Variants in RTN4 observed in about 807,000 individuals in gnomAD.
The protein encoded by RTN4 is reticulon 4.
RTN4 carries 32 observed loss-of-function variants against 90.4 expected under a neutral mutation model. That is an observed-to-expected ratio of 0.35 (90% CI 0.27 to 0.48). RTN4 has a LOEUF of 0.48. RTN4 is among the 20% of genes least tolerant of loss of function. The pLI is 0.99. For synonymous variants in RTN4, 629 were observed against 552.5 expected (o/e 1.14, Z -1.94); for missense variants, 1,706 against 1,430.2 (o/e 1.19, Z -3.11).
At chr2:55,033,525 CT>C (rs1682475846) in intron 1 of RTN4, among the ~76,000 whole-genome samples, 1 of 152,200 alleles carries the variant, frequency 6.6e-6, no homozygotes, top group Admixed American at 6.5e-5. Context: ...ACCCTACCGC[CT>C]TCTTGTTTCA....
intron 1 of RTN4, among the ~76,000 whole-genome samples, chr2:55,103,841 C>T (rs1387402968): frequency 6.6e-6 from 1 of 151,596 alleles, no homozygotes; most frequent in African/African-American, 2.4e-5. Context: ...ATTACAGGCT[C>T]CCACCACCAC....
the RTN4 span, among the ~76,000 whole-genome samples, chr2:55,137,532 T>C: frequency 6.6e-6 from 1 of 152,124 alleles, no homozygotes; most frequent in African/African-American, 2.4e-5. Context: ...GGGAGTCATG[T>C]GGAAGGGCTG....
chr2:55,039,392 T>C (rs1336534692), intron 1 of RTN4, among the ~76,000 whole-genome samples: 1 of 152,110 alleles, frequency 6.6e-6, no homozygotes, highest in Admixed American at 6.5e-5. Context: ...GACTAATAAA[T>C]CAAATTGATC....
rs772598358 is a variant in RTN4 at position 55,026,307 on chromosome 2, G to A, written c.1792C>T (p.Pro598Ser). The change falls in exon 3 of 9, where the codon CCA becomes TCA. Residue 598 changes from proline to serine, a missense_variant. Coordinates refer to ENST00000337526, the MANE Select transcript of RTN4 (RefSeq NM_020532.5). Reference protein sequence around the residue: ...ESLYPAAQLCPSFEESEATPS... With the variant: ...ESLYPAAQLCSSFEESEATPS... ...GTAGCTTCTGACTCTTCAAATGATG[G>A]GCAAAGCTGTGCTGCAGGATAGAGT... 6 of 1,613,912 alleles carry A rather than the reference G, an allele frequency of 3.7e-6. No homozygotes were observed. The South Asian group carries it at 4.4e-5, about 12-fold the overall frequency.
At chr2:55,103,590 T>C (rs981586111) in intron 1 of RTN4, among the ~76,000 whole-genome samples, 8 of 152,188 alleles carry the variant, frequency 5.3e-5, no homozygotes, top group African/African-American at 1.9e-4. Flanking sequence ...GTTTTATGGG[T>C]ATATACTTAT....
intron 3 of RTN4, among the ~76,000 whole-genome samples, chr2:55,009,495 G>C (rs774179402): frequency 1.3e-5 from 2 of 152,108 alleles, no homozygotes; most frequent in African/African-American, 4.8e-5. Flanking sequence ...GTTATTACAA[G>C]GACAAAGGTT....
At chr2:54,986,704 G>A (rs953697580) in intron 4 of RTN4, among the ~76,000 whole-genome samples, 2 of 152,192 alleles carry the variant, frequency 1.3e-5, no homozygotes, top group East Asian at 1.9e-4. Context: ...ATTTAAAAAC[G>A]TGGTGAATTA....
intron 1 of RTN4, among the ~76,000 whole-genome samples, chr2:55,029,738 T>G (rs1682166040): frequency 6.6e-6 from 1 of 152,154 alleles, no homozygotes; most frequent in Non-Finnish European, 1.5e-5. Context: ...GACGGGAAAT[T>G]TATGATGTGT....
chr2:55,048,666 T>C (rs978245290), intron 1 of RTN4, among the ~76,000 whole-genome samples: 2 of 152,206 alleles, frequency 1.3e-5, no homozygotes, highest in African/African-American at 4.8e-5. Context: ...AACGTCGTTA[T>C]GAGGCACGTG....
At chr2:55,030,155 G>C (rs1449869349) in intron 1 of RTN4, among the ~76,000 whole-genome samples, 5 of 151,884 alleles carry the variant, frequency 3.3e-5, no homozygotes, top group Admixed American at 6.6e-5. Flanking sequence ...AAAGTTAGTG[G>C]GAAAACAAAC....
intron 1 of RTN4, among the ~76,000 whole-genome samples, chr2:55,103,348 G>A (rs1190500048): frequency 1.3e-5 from 2 of 151,910 alleles, no homozygotes; most frequent in Non-Finnish European, 2.9e-5. Flanking sequence ...ATGATTAAAG[G>A]GTACAAAGTT....
In RTN4 at chr2:55,027,360, T is replaced by C. The variant is rs200103838; in HGVS notation, c.739A>G (p.Lys247Glu). ...AAATTACCAAGGTATTCATGTTCTT[T>C]GAAAGAAGCGGCTGAGAGAGGAGAC... ...SLSPLSAASF[K>E]EHEYLGNLST... Residue 247 changes from lysine (K) to glutamate (E), a missense_variant, in exon 3 of 9, where the codon AAA becomes GAA. Lys to Glu is a moderately conservative substitution (Grantham distance 56). Coordinates refer to ENST00000337526, the MANE Select transcript of RTN4 (RefSeq NM_020532.5). The C allele has an allele frequency of 1.2e-6, 2 of 1,613,638 alleles. No individual in the cohort carries two copies. Among genetic ancestry groups the C allele is most frequent in the South Asian group, 2.2e-5 (2 of 91,070 alleles).
chr2:55,101,563 T>C (rs990580401), intron 1 of RTN4, among the ~76,000 whole-genome samples: 6 of 152,110 alleles, frequency 3.9e-5, no homozygotes, highest in Non-Finnish European at 8.8e-5. Context: ...ATTTAAAACT[T>C]TGAAATCTTT....
intron 2 of RTN4, among the ~76,000 whole-genome samples, chr2:55,079,432 G>T (rs1668663820): frequency 6.6e-6 from 1 of 152,148 alleles, no homozygotes; most frequent in Non-Finnish European, 1.5e-5. Context: ...TAACTTAGAA[G>T]AGTAAAGGGC....
At chr2:55,133,022 A>G in the RTN4 span, among the ~76,000 whole-genome samples, 2 of 151,502 alleles carry the variant, frequency 1.3e-5, no homozygotes, top group Non-Finnish European at 2.9e-5. Flanking sequence ...GATCATCCTG[A>G]CCAACATGAT....
chr2:55,046,832 T>C (rs1667771605), intron 1 of RTN4: 1 of 152,192 alleles, frequency 6.6e-6, no homozygotes, highest in Non-Finnish European at 1.5e-5. Context: ...AACTAAAGTT[T>C]CCCAATAGGT....
intron 1 of RTN4, among the ~76,000 whole-genome samples, chr2:55,031,844 G>C (rs1373097296): frequency 6.6e-6 from 1 of 152,086 alleles, no homozygotes; most frequent in Non-Finnish European, 1.5e-5. Flanking sequence ...TACTCTAACT[G>C]GCCCTGTAAG....
chr2:55,013,856 G>A (rs575825669), intron 3 of RTN4, among the ~76,000 whole-genome samples: 50 of 151,940 alleles, frequency 3.3e-4, no homozygotes, highest in Non-Finnish European at 6.5e-4. Context: ...AGGGAAAGAG[G>A]GTGGGAAAGC....
At chr2:55,125,837 G>A in the RTN4 span, among the ~76,000 whole-genome samples, 46 of 146,638 alleles carry the variant, frequency 3.1e-4, no homozygotes, top group African/African-American at 2.5e-4. Context: ...CGAGGTGGGC[G>A]GGTCACCAGG....
Sources: allele counts gnomAD v4.1 joint callset (sites outside exome capture counted in the v4.1 genomes callset), GRCh38; gene constraint gnomAD v4.1.1; transcripts MANE v1.5; gene names NCBI Gene and HGNC (gene_info 2026-07-23, HGNC 2026-07-21).